Variants in CSMD1 observed in about 807,000 individuals in gnomAD.
The protein encoded by CSMD1 is CUB and sushi domain-containing protein 1.
A neutral mutation model predicts 417.5 loss-of-function variants in CSMD1; 213 were observed. The observed-to-expected ratio is 0.51, with a 90% CI of 0.46 to 0.57. The LOEUF (loss-of-function observed/expected upper bound fraction) is 0.57. CSMD1 is among the 20% of genes least tolerant of loss of function. CSMD1 has a pLI of 0.00. For missense variants in CSMD1, 6,923 were observed against 4,529.7 expected (o/e 1.53, Z -15.17); for synonymous variants, 2,862 against 1,736.8 (o/e 1.65, Z -16.11).
At position 4,089,117 on chromosome 8, in the gene CSMD1, C is replaced by T. The variant is rs1800583002; in HGVS notation, c.416-57018G>A. Among the ~76,000 whole-genome samples the T allele has an allele frequency of 2.6e-5, 4 of 152,218 alleles. No individual in the cohort carries two copies. In the South Asian group the frequency reaches 8.3e-4, roughly 31 times the overall value. Reference sequence around the variant, plus strand: ...GATTCAGGAAACTTAACACAATCCTCTCAGGGATTCCAGTGCTTAACAAAA... The same window carrying T: ...GATTCAGGAAACTTAACACAATCCTTTCAGGGATTCCAGTGCTTAACAAAA... On this transcript the variant is annotated intron_variant, in intron 3 of 69. Coordinates refer to ENST00000635120, the MANE Select transcript of CSMD1 (RefSeq NM_033225.6).
intron 4 of CSMD1, among the ~76,000 whole-genome samples, chr8:4,030,921 G>A (rs970934747): frequency 2.0e-5 from 3 of 152,092 alleles, no homozygotes; most frequent in South Asian, 2.1e-4. Flanking sequence ...TAGGGCAGGG[G>A]CAAAATGCCA....
rs1035159609 is a variant in CSMD1 at position 4,840,074 on chromosome 8, T to C, written c.85+154258A>G. Among the ~76,000 whole-genome samples the C allele has an allele frequency of 1.1e-4, 11 of 99,310 alleles. No individual in the cohort carries two copies. The East Asian group carries it at 2.4e-3, about 22-fold the overall frequency. 65.2% of individuals were successfully genotyped at this position (99,310 alleles called of 152,430 possible). On this transcript the variant is annotated intron_variant, in intron 1 of 69. Transcript: ENST00000635120. ...GGCTTTCCTCGGTGGACCGCATCCATAGGCTTGGGAAGAGCCTACCTGTCC... is the reference window on the plus strand; with the variant it reads ...GGCTTTCCTCGGTGGACCGCATCCACAGGCTTGGGAAGAGCCTACCTGTCC...
intron 1 of CSMD1, among the ~76,000 whole-genome samples, chr8:4,640,423 G>A (rs1388834828): frequency 1.3e-5 from 2 of 152,126 alleles, no homozygotes; most frequent in Non-Finnish European, 2.9e-5. Flanking sequence ...ATTGGTGTAA[G>A]CCTAAATAGC....
At chr8:4,070,950 T>A (rs1320971845) in intron 3 of CSMD1, among the ~76,000 whole-genome samples, 1 of 152,224 alleles carries the variant, frequency 6.6e-6, no homozygotes, top group South Asian at 2.1e-4. Flanking sequence ...TGGTGTTTGA[T>A]GTAAAATCAG....
chr8:4,816,827 AC>A (rs1306045239), intron 1 of CSMD1, among the ~76,000 whole-genome samples: 1 of 152,164 alleles, frequency 6.6e-6, no homozygotes, highest in Non-Finnish European at 1.5e-5. Context: ...GAACTGAGAG[AC>A]TTGGCAATTA....
At chr8:3,516,123 G>A (rs760800055) in intron 10 of CSMD1, among the ~76,000 whole-genome samples, 21 of 152,088 alleles carry the variant, frequency 1.4e-4, no homozygotes, top group Non-Finnish European at 2.6e-4. Context: ...AGAAAGAGGA[G>A]GAACAGAATG....
Position 4,317,851 on chromosome 8 carries a change from T to G in CSMD1, c.415+102102A>C, listed in dbSNP as rs113357357. On this transcript the variant is annotated intron_variant, in intron 3 of 69. Transcript: ENST00000635120. ...TTTGTTTAATGTATTTTTGACCAAGTTAAACCGAATTTTGGCAGGATGAAA... is the reference window on the plus strand; with the variant it reads ...TTTGTTTAATGTATTTTTGACCAAGGTAAACCGAATTTTGGCAGGATGAAA... Among the ~76,000 whole-genome samples the G allele has an allele frequency of 7.9e-3, 1,199 of 152,316 alleles. 8 individuals are homozygous for G. The highest frequency in any genetic ancestry group is 0.027 in the African/African-American group (1,108 of 41,572).
intron 3 of CSMD1, among the ~76,000 whole-genome samples, chr8:4,312,418 T>C (rs1798671790): frequency 7.3e-6 from 1 of 136,650 alleles, no homozygotes; most frequent in East Asian, 2.0e-4. Context: ...CGTGTATATA[T>C]ATGCGCGTAT....
chr8:4,067,026 T>G (rs1290931863), intron 3 of CSMD1, among the ~76,000 whole-genome samples: 4 of 152,228 alleles, frequency 2.6e-5, no homozygotes, highest in African/African-American at 9.6e-5. Context: ...GCTCTTAGTT[T>G]TGTGTATGAT....
chr8:4,119,512 T>C (rs1290034265), intron 3 of CSMD1, among the ~76,000 whole-genome samples: 1 of 152,136 alleles, frequency 6.6e-6, no homozygotes, highest in East Asian at 1.9e-4. Context: ...CTGGTATTTG[T>C]AGGTGGGGTG....
Position 4,046,921 on chromosome 8 carries a change from G to A in CSMD1, c.416-14822C>T, listed in dbSNP as rs1411232449. ...TAAAAATGGGCAGAGAGAGGCTTAT[G>A]GCCAAGAGGGAACTTGAGTCCTAAC... On this transcript the variant is annotated intron_variant, in intron 3 of 69. Coordinates refer to ENST00000635120, the MANE Select transcript of CSMD1 (RefSeq NM_033225.6). 3.3e-5 allele frequency among the ~76,000 whole-genome samples: 5 copies of A among 152,076 alleles called. No individual in the cohort carries two copies. The East Asian group carries it at 5.8e-4, about 18-fold the overall frequency.
At chr8:3,656,021 G>C (rs1403384358) in intron 7 of CSMD1, among the ~76,000 whole-genome samples, 3 of 152,286 alleles carry the variant, frequency 2.0e-5, no homozygotes, top group Non-Finnish European at 2.9e-5. Context: ...ATTCTGCAAA[G>C]ATGGACATCT....
At chr8:3,421,550 A>T (rs1210737868) in intron 12 of CSMD1, among the ~76,000 whole-genome samples, 1 of 152,234 alleles carries the variant, frequency 6.6e-6, no homozygotes, top group African/African-American at 2.4e-5. Flanking sequence ...ACATCAGCCA[A>T]TTCAAGATAA....
intron 3 of CSMD1, among the ~76,000 whole-genome samples, chr8:4,300,592 G>C (rs1218039556): frequency 6.6e-6 from 1 of 152,106 alleles, no homozygotes; most frequent in Non-Finnish European, 1.5e-5. Flanking sequence ...GTGCGGGTTT[G>C]TTTCATATGT....
intron 1 of CSMD1, among the ~76,000 whole-genome samples, chr8:4,940,336 G>A (rs150226266): frequency 3.0e-3 from 454 of 152,294 alleles, no homozygotes; most frequent in African/African-American, 0.01. Flanking sequence ...ACGTGCCCAT[G>A]TAATTTCACA....
intron 3 of CSMD1, among the ~76,000 whole-genome samples, chr8:4,188,007 C>T (rs911003053): frequency 6.6e-6 from 1 of 152,006 alleles, no homozygotes; most frequent in Admixed American, 6.6e-5. Context: ...AAAGCCAATA[C>T]CTTTTTTTAA....
At chr8:3,312,352 G>T (rs866231412) in intron 23 of CSMD1, among the ~76,000 whole-genome samples, 5 of 152,116 alleles carry the variant, frequency 3.3e-5, no homozygotes, top group Non-Finnish European at 7.3e-5. Flanking sequence ...TTTTGCAAAA[G>T]ATCACTTAAG....
intron 2 of CSMD1, among the ~76,000 whole-genome samples, chr8:4,593,943 G>C (rs1210144421): frequency 6.6e-6 from 1 of 152,056 alleles, no homozygotes; most frequent in Non-Finnish European, 1.5e-5. Context: ...AAAATGTCAG[G>C]AGGATCACGT....
chr8:3,053,722 A>G (rs895598796), intron 49 of CSMD1, among the ~76,000 whole-genome samples: 2 of 152,234 alleles, frequency 1.3e-5, no homozygotes, highest in African/African-American at 4.8e-5. Flanking sequence ...CTATGGGACA[A>G]GAAAAAAATT....
Sources: allele counts gnomAD v4.1 joint callset (sites outside exome capture counted in the v4.1 genomes callset), GRCh38; gene constraint gnomAD v4.1.1; transcripts MANE v1.5; gene names NCBI Gene and HGNC (gene_info 2026-07-23, HGNC 2026-07-21).